The following ZDHHC21 variants were observed in gnomAD, a reference collection of about 807,000 sequenced individuals.
ZDHHC21 encodes the protein palmitoyltransferase ZDHHC21.
Under a neutral mutation model 34.6 loss-of-function variants are expected in ZDHHC21, and 15 were observed. The ratio of observed to expected loss-of-function variants is 0.43; its 90% confidence interval spans 0.29 to 0.67. The LOEUF is 0.67. Among genes scored for constraint, ZDHHC21 ranks in the 30% least tolerant of loss-of-function variants. ZDHHC21 has a pLI of 0.14. For synonymous variants in ZDHHC21, 142 were observed against 101.8 expected (o/e 1.40, Z -2.38); for missense variants, 344 against 327.7 (o/e 1.05, Z -0.38).
At chr9:14,678,797 A>C (rs1206750423) in intron 3 of ZDHHC21, among the ~76,000 whole-genome samples, 1 of 152,138 alleles carries the variant, frequency 6.6e-6, no homozygotes, top group Non-Finnish European at 1.5e-5. Context: ...GATCAAATAA[A>C]TTCTAATACA....
intron 5 of ZDHHC21, among the ~76,000 whole-genome samples, chr9:14,669,985 C>G (rs966431425): frequency 1.0e-4 from 15 of 150,036 alleles, no homozygotes; most frequent in Admixed American, 2.7e-4. Context: ...GCACATGTAC[C>G]CTAAAACTTA....
chr9:14,604,394 C>T, the ZDHHC21 span, among the ~76,000 whole-genome samples: 2 of 151,990 alleles, frequency 1.3e-5, no homozygotes, highest in Non-Finnish European at 2.9e-5. Context: ...AAATGTGATG[C>T]TGATTAAAAT....
At chr9:14,692,283 T>C (rs1044292996) in intron 1 of ZDHHC21, among the ~76,000 whole-genome samples, 2 of 152,234 alleles carry the variant, frequency 1.3e-5, no homozygotes, top group Non-Finnish European at 2.9e-5. Context: ...ATTAATATTA[T>C]TCTTACCACA....
chr9:14,628,717 C>G (rs1039488923), intron 8 of ZDHHC21, among the ~76,000 whole-genome samples: 1 of 152,152 alleles, frequency 6.6e-6, no homozygotes, highest in African/African-American at 2.4e-5. Flanking sequence ...ATGACAAAAA[C>G]ATGTGCAGAT....
intron 2 of ZDHHC21, among the ~76,000 whole-genome samples, chr9:14,684,942 A>G (rs2131645803): frequency 6.6e-6 from 1 of 152,348 alleles, no homozygotes; most frequent in East Asian, 1.9e-4. Flanking sequence ...GACAAAAACA[A>G]GCAATGGGGA....
At chr9:14,677,629 T>C (rs769371250) in intron 3 of ZDHHC21, among the ~76,000 whole-genome samples, 4 of 152,208 alleles carry the variant, frequency 2.6e-5, no homozygotes, top group Admixed American at 6.5e-5. Context: ...ATTAAGTAAC[T>C]AGTGGATATA....
intron 2 of ZDHHC21, among the ~76,000 whole-genome samples, chr9:14,688,614 C>A (rs1179999203): frequency 1.3e-5 from 2 of 152,084 alleles, no homozygotes; most frequent in African/African-American, 4.8e-5. Context: ...GTAATCCCAG[C>A]ACTTTGGGAG....
At chr9:14,678,683 T>TCCTGAGA (rs1366339772) in intron 3 of ZDHHC21, among the ~76,000 whole-genome samples, 6 of 152,070 alleles carry the variant, frequency 3.9e-5, no homozygotes, top group Non-Finnish European at 8.8e-5. Flanking sequence ...TAAAAAGTAC[T>TCCTGAGA]CCTGAGACTG....
intron 5 of ZDHHC21, among the ~76,000 whole-genome samples, chr9:14,663,830 C>G (rs1469277345): frequency 6.6e-6 from 1 of 152,148 alleles, no homozygotes; most frequent in Non-Finnish European, 1.5e-5. Context: ...GCAAGAGCAA[C>G]AGTACTAAAG....
intron 3 of ZDHHC21, among the ~76,000 whole-genome samples, chr9:14,679,243 A>C (rs1323786243): frequency 6.6e-6 from 1 of 152,138 alleles, no homozygotes; most frequent in Non-Finnish European, 1.5e-5. Flanking sequence ...TTTACTTTGA[A>C]ATGAATCCCC....
Position 14,693,249 on chromosome 9 carries a change from T to C in ZDHHC21, c.-245A>G. ...CTCACCGTCGCCGCTGGCTCGCCTC[T>C]CGCTGCCGCCGCTCTCCCGACCGCC... On this transcript the variant is annotated 5_prime_UTR_variant, in exon 1 of 10. Coordinates refer to ENST00000380916, the MANE Select transcript of ZDHHC21 (RefSeq NM_178566.6). 2.4e-6 allele frequency: 1 copy of C among 412,468 alleles called. No individual in the cohort carries two copies. Among genetic ancestry groups the C allele is most frequent in the Non-Finnish European group, 4.8e-6 (1 of 209,344 alleles). The allele number at this position is 412,468 out of a possible 1,614,324, so 25.6% of individuals were successfully genotyped here.
intron 5 of ZDHHC21, among the ~76,000 whole-genome samples, chr9:14,671,318 A>G (rs1835399824): frequency 1.3e-5 from 2 of 152,076 alleles, no homozygotes; most frequent in Admixed American, 6.6e-5. Context: ...CCCTCACTCA[A>G]TTAATACATT....
intron 5 of ZDHHC21, among the ~76,000 whole-genome samples, chr9:14,667,099 C>G (rs1834584183): frequency 9.3e-6 from 1 of 107,012 alleles, no homozygotes; most frequent in Admixed American, 9.4e-5. Context: ...TGATAGACCG[C>G]TAGCAAGACT....
At chr9:14,619,375 T>C (rs1435186145) in intron 9 of ZDHHC21, among the ~76,000 whole-genome samples, 1 of 152,108 alleles carries the variant, frequency 6.6e-6, no homozygotes, top group Non-Finnish European at 1.5e-5. Context: ...GTAGCAAATC[T>C]CTTTTGATGT....
Position 14,616,283 on chromosome 9 carries a change from A to C in ZDHHC21, c.*2683T>G, listed in dbSNP as rs1305724189. ...ATTACTCTGCCAAAATAAGGTTTAA[A>C]ATAAAATACATAAAATGGCTTAGTT... On this transcript the variant is annotated 3_prime_UTR_variant, in exon 10 of 10. Coordinates refer to ENST00000380916, the MANE Select transcript of ZDHHC21 (RefSeq NM_178566.6). The C allele has an allele frequency of 1.3e-5, 2 of 151,808 alleles. No homozygotes were observed. Among genetic ancestry groups the C allele is most frequent in the Non-Finnish European group, 3.0e-5 (2 of 67,762 alleles). 9.4% of individuals were successfully genotyped at this position (151,808 alleles called of 1,614,324 possible).
In ZDHHC21 at chr9:14,657,710, C is replaced by A. The variant is rs535821184; in HGVS notation, c.504+1039G>T. Among the ~76,000 whole-genome samples the A allele has an allele frequency of 2.0e-4, 31 of 152,210 alleles. No homozygotes were observed. The South Asian group carries it at 4.4e-3, about 21-fold the overall frequency. ...ATTTAAACCAAGGCCCATAGTTTGC[C>A]AATACTGCACTATACTACAATGCAT... is the stretch of plus-strand genomic sequence containing the variant. On this transcript the variant is annotated intron_variant, in intron 7 of 9. Coordinates refer to ENST00000380916, the MANE Select transcript of ZDHHC21 (RefSeq NM_178566.6).
At chr9:14,628,151 T>G (rs1204509496) in intron 8 of ZDHHC21, among the ~76,000 whole-genome samples, 2 of 152,202 alleles carry the variant, frequency 1.3e-5, no homozygotes, top group Non-Finnish European at 2.9e-5. Flanking sequence ...CAGATTAGTC[T>G]ATTTAACAGA....
intron 7 of ZDHHC21, among the ~76,000 whole-genome samples, chr9:14,654,568 A>G (rs2133866847): frequency 6.6e-6 from 1 of 152,226 alleles, no homozygotes; most frequent in Admixed American, 6.5e-5. Flanking sequence ...GGGGATCTCA[A>G]AGTTAAAGTT....
At chr9:14,681,885 T>A (rs976603845) in intron 2 of ZDHHC21, among the ~76,000 whole-genome samples, 4 of 152,176 alleles carry the variant, frequency 2.6e-5, no homozygotes, top group Non-Finnish European at 5.9e-5. Flanking sequence ...GGGCCAATAT[T>A]CAACATTCCT....
Sources: gnomAD v4.1 joint callset for allele counts (sites outside exome capture counted in the v4.1 genomes callset) on GRCh38, gnomAD v4.1.1 for gene constraint, MANE v1.5 for transcripts, NCBI Gene and HGNC (gene_info 2026-07-23, HGNC 2026-07-21) for gene names.